CLDN18: variants seen among roughly 807,000 people sequenced by gnomAD.
The protein encoded by CLDN18 is claudin-18.
Under a neutral mutation model 25.0 loss-of-function variants are expected in CLDN18, and 20 were observed. That is an observed-to-expected ratio of 0.80 (90% CI 0.56 to 1.16). The LOEUF (loss-of-function observed/expected upper bound fraction) is 1.16. Among genes scored for constraint, CLDN18 ranks in the 50% most tolerant of loss-of-function variants. CLDN18 has a pLI of 0.00. For synonymous variants in CLDN18, 125 were observed against 135.6 expected (o/e 0.92, Z 0.54); for missense variants, 297 against 345.4 (o/e 0.86, Z 1.11).
intron 1 of CLDN18, among the ~76,000 whole-genome samples, chr3:138,022,066 G>GTTTTCTTTTTCTTTGCCCACA (rs1942277164): frequency 6.6e-6 from 1 of 152,152 alleles, no homozygotes; most frequent in Non-Finnish European, 1.5e-5. Flanking sequence ...AACACTGTCA[G>GTTTTCTTTTTCTTTGCCCACA]GGCTCTCTAC....
rs761116930 is a variant in CLDN18 at position 138,023,675 on chromosome 3, C to T, written c.238C>T (p.Arg80Ter). 6.8e-6 allele frequency: 11 copies of T among 1,613,860 alleles called. No homozygotes were observed. The highest frequency in any genetic ancestry group is 3.3e-5 in the South Asian group (3 of 91,038). The stretch of plus-strand genomic sequence containing the variant: ...TCCCACAGCCATGCTGCAGGCAGTG[C>T]GAGCCCTGATGATCGTAGGCATCGT... ...LGLPAMLQAV[R>*]ALMIVGIVLG... The change falls in exon 2 of 5, where the codon CGA becomes TGA. Residue 80 changes from arginine to a stop codon, truncating the protein, a stop_gained. Transcript: ENST00000183605. LOFTEE classifies it high-confidence loss of function.
chr3:137,999,298 C>A (rs540780974), intron 1 of CLDN18, among the ~76,000 whole-genome samples: 1 of 152,294 alleles, frequency 6.6e-6, no homozygotes, highest in African/African-American at 2.4e-5. Flanking sequence ...AGCTCCTGTT[C>A]CCCTAACTGG....
chr3:138,013,226 T>C lies in CLDN18; in HGVS notation c.220+2781T>C, dbSNP rs186709826. On this transcript the variant is annotated intron_variant, in intron 1 of 4. Coordinates refer to ENST00000183605, the MANE Select transcript of CLDN18 (RefSeq NM_016369.4). The stretch of plus-strand genomic sequence containing the variant: ...TTTTTTGTTATTATGGCTCCATATA[T>C]AGAAAAGGACCTGGTCCTCCTCCTG... Among the ~76,000 whole-genome samples, 6 of 152,370 alleles carry C rather than the reference T, an allele frequency of 3.9e-5. No individual in the cohort carries two copies. The East Asian group carries it at 9.6e-4, about 24-fold the overall frequency.
upstream of CLDN18, among the ~76,000 whole-genome samples, chr3:138,009,663 C>T (rs1343014180): frequency 6.6e-6 from 1 of 152,074 alleles, no homozygotes. Flanking sequence ...TTGACTCACC[C>T]CCAAAAAATG....
At position 138,010,253 on chromosome 3, in the gene CLDN18, G is replaced by C; in HGVS notation, c.28G>C (p.Ala10Pro). 6.2e-7 allele frequency: 1 copy of C among 1,613,740 alleles called. No homozygotes were observed. Among genetic ancestry groups the C allele is most frequent in the Non-Finnish European group, 8.5e-7 (1 of 1,179,866 alleles). Reference sequence around the variant, plus strand: ...GTCCACCACCACATGCCAAGTGGTGGCGTTCCTCCTGTCCATCCTGGGGCT... The same window carrying C: ...GTCCACCACCACATGCCAAGTGGTGCCGTTCCTCCTGTCCATCCTGGGGCT... The part of the protein sequence containing the change: MSTTTCQVV[A>P]FLLSILGLAG... The change falls in exon 1 of 5, where the codon GCG becomes CCG. Residue 10 changes from alanine to proline, a missense_variant. Ala to Pro is a conservative substitution (Grantham distance 27, BLOSUM62 -1). Transcript: ENST00000183605.
At chr3:138,007,807 A>C (rs1273590396), upstream of CLDN18, among the ~76,000 whole-genome samples, 1 of 152,248 alleles carries the variant, frequency 6.6e-6, no homozygotes, top group Non-Finnish European at 1.5e-5. Flanking sequence ...AACAGTTTTC[A>C]ACCTAATTGG....
intron 1 of CLDN18, among the ~76,000 whole-genome samples, chr3:138,019,672 A>T (rs891139747): frequency 4.6e-5 from 7 of 152,144 alleles, no homozygotes; most frequent in Admixed American, 4.6e-4. Flanking sequence ...TTAAATGAAA[A>T]TCTCTGGGGA....
At chr3:138,008,733 G>A (rs978403191), upstream of CLDN18, among the ~76,000 whole-genome samples, 1 of 151,890 alleles carries the variant, frequency 6.6e-6, no homozygotes, top group Non-Finnish European at 1.5e-5. Context: ...CGAGCCCAGC[G>A]TAAGCAACAT....
chr3:137,998,943 C>T (rs1381864124), exon 1 of CLDN18: 2 of 1,614,246 alleles, frequency 1.2e-6, no homozygotes, highest in Non-Finnish European at 8.5e-7. Context: ...TTGCTGCCAC[C>T]TGCATGGACC....
intron 1 of CLDN18, among the ~76,000 whole-genome samples, chr3:138,018,457 C>T (rs1215479207): frequency 2.6e-5 from 4 of 151,098 alleles, no homozygotes; most frequent in Admixed American, 2.6e-4. Flanking sequence ...CTGCCTCAGC[C>T]TCCCAAGTAG....
chr3:138,012,736 T>C (rs1942149100), intron 1 of CLDN18, among the ~76,000 whole-genome samples: 1 of 152,038 alleles, frequency 6.6e-6, no homozygotes, highest in South Asian at 2.1e-4. Context: ...CTACAAAGAG[T>C]ACACAACACA....
chr3:138,026,724 C>T (rs1026572280), intron 3 of CLDN18, among the ~76,000 whole-genome samples: 13 of 152,094 alleles, frequency 8.5e-5, no homozygotes, highest in African/African-American at 3.1e-4. Flanking sequence ...GATCCCAGTG[C>T]CAGAGTTCTT....
intron 2 of CLDN18, 32 bp downstream of exon 2, chr3:138,023,854 C>A (rs780462927): frequency 6.3e-7 from 1 of 1,586,104 alleles, no homozygotes; most frequent in East Asian, 2.3e-5. Context: ...CCCACTTCTG[C>A]GAATGTCAAA....
intron 1 of CLDN18, among the ~76,000 whole-genome samples, chr3:138,002,416 G>A (rs1046547807): frequency 3.3e-5 from 5 of 152,312 alleles, no homozygotes; most frequent in East Asian, 1.9e-4. Context: ...GACCGCCAGC[G>A]TGCAGGCATT....
rs900728359 is a variant in CLDN18 at position 138,003,163 on chromosome 3, A to G, written c.220+4075A>G. Among the ~76,000 whole-genome samples the G allele has an allele frequency of 1.5e-4, 23 of 152,294 alleles. No homozygotes were observed. In the Middle Eastern group the frequency reaches 0.01, roughly 68 times the overall value. On this transcript the variant is annotated intron_variant, in intron 1 of 4. Coordinates refer to the CLDN18 transcript ENST00000343735. ...ACATTTAAAGGCATCTCTGGCCTCT[A>G]CCCACCAGACAAGAGTAGCATCAAT... is the stretch of plus-strand genomic sequence containing the variant.
At position 138,029,882 on chromosome 3, in the gene CLDN18, C is replaced by T. The variant is rs574352940; in HGVS notation, c.589C>T (p.Arg197Trp). 1.0e-5 allele frequency: 16 copies of T among 1,594,438 alleles called. No homozygotes were observed. The highest frequency in any genetic ancestry group is 4.6e-5 in the South Asian group (4 of 87,290). ...GGGTGTGATGATGTGCATCGCCTGC[C>T]GGGGCCTGGCACCAGAAGAAACCAA... is the stretch of plus-strand genomic sequence containing the variant. ...IGGVMMCIAC[R>W]GLAPEETNYK... Residue 197 changes from arginine to tryptophan, a missense_variant, in exon 4 of 5, where the codon CGG becomes TGG. Transcript: ENST00000183605.
At chr3:138,000,792 C>T (rs904412830) in intron 1 of CLDN18, among the ~76,000 whole-genome samples, 1 of 152,216 alleles carries the variant, frequency 6.6e-6, no homozygotes, top group African/African-American at 2.4e-5. Flanking sequence ...CTGCTGACCC[C>T]TCCTTAGCTC....
chr3:138,013,165 C>T (rs749670463), intron 1 of CLDN18, among the ~76,000 whole-genome samples: 13 of 152,090 alleles, frequency 8.5e-5, no homozygotes, highest in Admixed American at 6.6e-5. Flanking sequence ...TAAGGTCTTC[C>T]CCAAAAAGGA....
chr3:138,005,290 G>C (rs34593624), upstream of CLDN18, among the ~76,000 whole-genome samples: 16,764 of 151,896 alleles, frequency 0.11, 1,189 homozygotes, highest in Middle Eastern at 0.19. Context: ...TGTGCAGAAC[G>C]TGCAGGTTTG....
Sources: gnomAD v4.1 joint callset for allele counts (sites outside exome capture counted in the v4.1 genomes callset) on GRCh38, gnomAD v4.1.1 for gene constraint, MANE v1.5 for transcripts, NCBI Gene and HGNC (gene_info 2026-07-23, HGNC 2026-07-21) for gene names.